KCND2: variants seen among roughly 807,000 people sequenced by gnomAD.
KCND2 encodes the protein potassium voltage-gated channel subfamily D member 2.
Under a neutral mutation model 54.4 loss-of-function variants are expected in KCND2, and 16 were observed. The observed-to-expected ratio is 0.29, with a 90% CI of 0.20 to 0.45. The LOEUF (loss-of-function observed/expected upper bound fraction) is 0.45, where lower values mean the gene tolerates loss of function less well. Ranked by LOEUF, KCND2 falls within the 20% of genes least tolerant of loss-of-function variation. The pLI is 1.00. For missense variants in KCND2, 486 were observed against 824.2 expected, an observed-to-expected ratio of 0.59 and a Z score of 5.02; for synonymous variants, 317 against 310.7, an observed-to-expected ratio of 1.02 and a Z score of -0.21.
intron 1 of KCND2, among the ~76,000 whole-genome samples, chr7:120,509,122 A>T (rs1462724757): frequency 2.6e-5 from 4 of 152,044 alleles, no homozygotes; most frequent in Non-Finnish European, 4.4e-5. Flanking sequence ...ACTTGTAATT[A>T]TATTTATAAT....
intron 1 of KCND2, among the ~76,000 whole-genome samples, chr7:120,705,845 C>T (rs1192334798): frequency 6.6e-6 from 1 of 152,118 alleles, no homozygotes; most frequent in Non-Finnish European, 1.5e-5. Context: ...TATCTCTCTG[C>T]CCATAAGATG....
chr7:120,407,960 A>T (rs1801386572), intron 1 of KCND2, among the ~76,000 whole-genome samples: 1 of 151,820 alleles, frequency 6.6e-6, no homozygotes, highest in African/African-American at 2.4e-5. Context: ...CTAGGAAGAA[A>T]ATCATGATCA....
intron 1 of KCND2, among the ~76,000 whole-genome samples, chr7:120,393,784 T>G (rs961193374): frequency 6.6e-6 from 1 of 152,046 alleles, no homozygotes; most frequent in East Asian, 1.9e-4. Context: ...TACTTTTGTT[T>G]TTTAGATTCT....
At chr7:120,332,918 C>G (rs898394248) in intron 1 of KCND2, among the ~76,000 whole-genome samples, 1 of 152,034 alleles carries the variant, frequency 6.6e-6, no homozygotes, top group Non-Finnish European at 1.5e-5. Flanking sequence ...AAACTCTTAT[C>G]CAAGATAATA....
At chr7:120,352,134 C>T (rs940680313) in intron 1 of KCND2, among the ~76,000 whole-genome samples, 2 of 151,912 alleles carry the variant, frequency 1.3e-5, no homozygotes, top group Admixed American at 6.6e-5. Flanking sequence ...ACTGGGGTTT[C>T]ACCATGTTGG....
At chr7:120,477,132 C>T (rs1562849614) in intron 1 of KCND2, among the ~76,000 whole-genome samples, 1 of 152,176 alleles carries the variant, frequency 6.6e-6, no homozygotes, top group Non-Finnish European at 1.5e-5. Context: ...TTACTGTGCA[C>T]TGTTATTTTA....
At chr7:120,310,934 CAAA>C (rs1023300696) in intron 1 of KCND2, among the ~76,000 whole-genome samples, 4 of 58,136 alleles carry the variant, frequency 6.9e-5, no homozygotes, top group Non-Finnish European at 7.6e-5. Flanking sequence ...AGACTCTGTC[CAAA>C]AAAAAAAAAA....
At chr7:120,659,291 G>A (rs1331602411) in intron 1 of KCND2, among the ~76,000 whole-genome samples, 1 of 145,132 alleles carries the variant, frequency 6.9e-6, no homozygotes, top group Non-Finnish European at 1.5e-5. Flanking sequence ...ATGGATCCCA[G>A]CTATCATCCC....
intron 1 of KCND2, among the ~76,000 whole-genome samples, chr7:120,646,989 G>A (rs901315265): frequency 2.0e-5 from 3 of 152,048 alleles, no homozygotes; most frequent in Non-Finnish European, 2.9e-5. Flanking sequence ...GAGCAATTTC[G>A]CCTAAGCAAT....
intron 1 of KCND2, among the ~76,000 whole-genome samples, chr7:120,460,184 T>A (rs1802263725): frequency 6.6e-6 from 1 of 152,042 alleles, no homozygotes; most frequent in African/African-American, 2.4e-5. Context: ...TTGGTTGAGC[T>A]CCCCTTAGAC....
intron 1 of KCND2, among the ~76,000 whole-genome samples, chr7:120,716,111 C>T (rs1236101897): frequency 6.6e-6 from 1 of 152,064 alleles, no homozygotes; most frequent in Admixed American, 6.6e-5. Context: ...CTAGTTCACT[C>T]TTGTGTCAAA....
chr7:120,666,453 A>T (rs1791928067), intron 1 of KCND2, among the ~76,000 whole-genome samples: 1 of 151,972 alleles, frequency 6.6e-6, no homozygotes, highest in African/African-American at 2.4e-5. Flanking sequence ...TAGTATGAAC[A>T]TAATACAATT....
intron 1 of KCND2, among the ~76,000 whole-genome samples, chr7:120,534,661 T>C (rs1791880796): frequency 6.6e-6 from 1 of 152,172 alleles, no homozygotes; most frequent in African/African-American, 2.4e-5. Context: ...TGTGACAACC[T>C]ATATACTATA....
chr7:120,317,199 A>G (rs763585759), intron 1 of KCND2, among the ~76,000 whole-genome samples: 3 of 152,304 alleles, frequency 2.0e-5, no homozygotes, highest in South Asian at 2.1e-4. Context: ...GAAGTATTAT[A>G]TATATCAAAC....
chr7:120,541,234 A>C (rs1791976196), intron 1 of KCND2, among the ~76,000 whole-genome samples: 1 of 152,194 alleles, frequency 6.6e-6, no homozygotes, highest in African/African-American at 2.4e-5. Flanking sequence ...TTTAACTTAA[A>C]TAGATGGAAG....
At chr7:120,313,077 C>T (rs147290515) in intron 1 of KCND2, among the ~76,000 whole-genome samples, 2 of 152,152 alleles carry the variant, frequency 1.3e-5, no homozygotes, top group Non-Finnish European at 2.9e-5. Flanking sequence ...CCACTTGGAA[C>T]TTTATTAACC....
chr7:120,406,064 G>A (rs1801351384), intron 1 of KCND2, among the ~76,000 whole-genome samples: 1 of 152,024 alleles, frequency 6.6e-6, no homozygotes, highest in Non-Finnish European at 1.5e-5. Context: ...TTAGAATTCA[G>A]TTCTCATCAC....
intron 1 of KCND2, among the ~76,000 whole-genome samples, chr7:120,483,611 G>A (rs1197098675): frequency 6.6e-6 from 1 of 152,170 alleles, no homozygotes; most frequent in African/African-American, 2.4e-5. Flanking sequence ...GAAGTGAGAG[G>A]AGGAAAATCA....
rs76611521 is a variant in KCND2, at chr7:120,566,857, A to T, written c.1116-166046A>T. 8.5e-3 allele frequency among the ~76,000 whole-genome samples: 1,298 copies of T among 152,088 alleles called. 20 individuals are homozygous for T. The highest frequency in any genetic ancestry group is 0.03 in the African/African-American group (1,245 of 41,500). ...CTTTTTAAGTTATGTATCTTTCTTC[A>T]TATGATTTTGATAGAGCTTTAAATA... On this transcript the variant is annotated intron_variant, in intron 1 of 5. Coordinates refer to ENST00000331113, the MANE Select transcript of KCND2 (RefSeq NM_012281.3).
Sources: gnomAD v4.1 joint callset for allele counts (sites outside exome capture counted in the v4.1 genomes callset) on GRCh38, gnomAD v4.1.1 for gene constraint, MANE v1.5 for transcripts, NCBI Gene and HGNC (gene_info 2026-07-23, HGNC 2026-07-21) for gene names.